The following ZNF230 variants were observed in gnomAD, a reference collection of about 807,000 sequenced individuals.
The protein encoded by ZNF230 is zinc finger protein 230.
Under a neutral mutation model 10.0 loss-of-function variants are expected in ZNF230, and 12 were observed. The ratio of observed to expected loss-of-function variants is 1.20; its 90% confidence interval spans 0.77 to 1.95. ZNF230 has a LOEUF of 1.95. Ranked by LOEUF, ZNF230 falls within the 30% of genes most tolerant of loss-of-function variation. The pLI is 0.00. For missense variants in ZNF230, 532 were observed against 565.8 expected, an observed-to-expected ratio of 0.94 and a Z score of 0.61; for synonymous variants, 174 against 193.6, an observed-to-expected ratio of 0.90 and a Z score of 0.84.
chr19:44,005,141 A>G (rs904574700), intron 1 of ZNF230, among the ~76,000 whole-genome samples: 2 of 152,130 alleles, frequency 1.3e-5, no homozygotes, highest in Non-Finnish European at 2.9e-5. Context: ...AAAATTAAAA[A>G]CTAAAAACAA....
At chr19:44,007,631 A>T (rs1976135430) in intron 2 of ZNF230, among the ~76,000 whole-genome samples, 1 of 152,138 alleles carries the variant, frequency 6.6e-6, no homozygotes, top group East Asian at 1.9e-4. Context: ...CTATTATTTA[A>T]GGTGTCGCAA....
chr19:44,005,121 C>CAAA (rs35234320), intron 1 of ZNF230, among the ~76,000 whole-genome samples: 2 of 145,814 alleles, frequency 1.4e-5, no homozygotes, highest in Admixed American at 6.8e-5. Flanking sequence ...GACTCTGTCT[C>CAAA]AAAAAAAAAA....
At chr19:44,004,512 A>G (rs1976102155) in intron 1 of ZNF230, 1 of 152,122 alleles carries the variant, frequency 6.6e-6, no homozygotes, top group South Asian at 2.1e-4. Context: ...CAGGTGGATC[A>G]CTTGAGGTCA....
At chr19:44,004,748 A>G (rs1490954660) in intron 1 of ZNF230, 7 of 149,704 alleles carry the variant, frequency 4.7e-5, no homozygotes, top group African/African-American at 1.8e-4. Flanking sequence ...AAAAAAAAGA[A>G]TAAACTAGTG....
rs2147427791 is a variant in ZNF230, at chr19:44,011,619, A to G, written c.*155A>G. The G allele has an allele frequency of 2.4e-6, 2 of 828,316 alleles. No individual in the cohort carries two copies. Among genetic ancestry groups the G allele is most frequent in the African/African-American group, 1.7e-5 (1 of 57,920 alleles). The allele number at this position is 828,316 out of a possible 1,614,324, so 51.3% of individuals were successfully genotyped here. On this transcript the variant is annotated 3_prime_UTR_variant, in exon 5 of 5. Transcript: ENST00000429154. ...CATTGTTCTAGCGATTTGAAAAGAAACAATAAATTATTGTTGATTATAGTC... is the reference window on the plus strand; with the variant it reads ...CATTGTTCTAGCGATTTGAAAAGAAGCAATAAATTATTGTTGATTATAGTC...
In ZNF230 at chr19:44,011,694, C is replaced by T. The variant is rs1976186326; in HGVS notation, c.*230C>T. ...AATGTATTTCTCCTATCTAGCAGTA[C>T]TTATGTATCTTGTTACCCAATCTTT... On this transcript the variant is annotated 3_prime_UTR_variant, in exon 5 of 5. Coordinates refer to ENST00000429154, the MANE Select transcript of ZNF230 (RefSeq NM_006300.4). 2.3e-5 allele frequency: 10 copies of T among 436,846 alleles called. No homozygotes were observed. In the South Asian group the frequency reaches 2.4e-4, roughly 11 times the overall value. The allele number at this position is 436,846 out of a possible 1,614,324, so 27.1% of individuals were successfully genotyped here. A position where few individuals can be genotyped will look rare whatever the true frequency, so the allele number is the denominator to read the frequency against.
At chr19:44,009,283 G>A (rs1298713208) in intron 4 of ZNF230, 113 bp downstream of exon 4, 18 of 1,198,602 alleles carry the variant, frequency 1.5e-5, no homozygotes, top group Non-Finnish European at 2.1e-5. Context: ...CTCTTTCCTG[G>A]TTTATTACAA....
At chr19:44,008,601 A>G (rs537922336) in intron 2 of ZNF230, among the ~76,000 whole-genome samples, 189 bp from the exon 3 acceptor site, 6 of 152,276 alleles carry the variant, frequency 3.9e-5, no homozygotes, top group Non-Finnish European at 7.4e-5. Context: ...GCACAAAGTA[A>G]AAATACAGGA....
intron 1 of ZNF230, chr19:44,004,229 G>C (rs1037115684): frequency 3.7e-4 from 56 of 152,212 alleles, no homozygotes; most frequent in African/African-American, 1.3e-3. Flanking sequence ...TCTGAAATAG[G>C]AGAAATGAGA....
chr19:44,003,444 A>C (rs1455438207), intron 1 of ZNF230: 6 of 152,292 alleles, frequency 3.9e-5, no homozygotes, highest in African/African-American at 1.4e-4. Flanking sequence ...TCACTTGGTG[A>C]CTGGTGGTCT....
intron 1 of ZNF230, among the ~76,000 whole-genome samples, chr19:44,005,923 C>G (rs539903001): frequency 6.6e-6 from 1 of 152,114 alleles, no homozygotes; most frequent in Non-Finnish European, 1.5e-5. Flanking sequence ...ATGACTGTGT[C>G]CCCTACCCCA....
Position 44,006,493 on chromosome 19 carries a change from A to G in ZNF230, c.-68-518A>G, listed in dbSNP as rs182799286. On this transcript the variant is annotated intron_variant, in intron 1 of 4. Transcript: ENST00000429154. ...TCAACTCTATTGAGGTATATTTTAC[A>G]TAAAGCATTCACTCATTTCAGGAGT... is the stretch of plus-strand genomic sequence containing the variant. Among the ~76,000 whole-genome samples the G allele has an allele frequency of 2.9e-3, 447 of 152,344 alleles. 2 individuals carry two copies. Among genetic ancestry groups the G allele is most frequent in the African/African-American group, 0.01 (416 of 41,578 alleles).
At position 44,010,599 on chromosome 19, in the gene ZNF230, A is replaced by G; in HGVS notation, c.560A>G (p.Gln187Arg). Residue 187 changes from glutamine to arginine, a missense_variant, in exon 5 of 5, where the codon CAG becomes CGG. Physicochemically the swap from Gln to Arg is conservative, Grantham distance 43 (BLOSUM62 1). Transcript: ENST00000429154. ...TACATCTCAGCTCTTCGTATTCACC[A>G]GAGAGTTCACTTGAGAGAGAAACTC... is the stretch of plus-strand genomic sequence containing the variant. ...FCYISALRIH[Q>R]RVHLREKLSK... The G allele has an allele frequency of 6.2e-7, 1 of 1,614,252 alleles. No individual in the cohort carries two copies.
At position 44,011,021 on chromosome 19, in the gene ZNF230, A is replaced by G. The variant is rs1459579181; in HGVS notation, c.982A>G (p.Ile328Val). The G allele has an allele frequency of 6.2e-7, 1 of 1,614,242 alleles. No homozygotes were observed. The highest frequency in any genetic ancestry group is 1.7e-5 in the Admixed American group (1 of 60,034). ...TAGCCTAGATTTGCATAAGCATCAG[A>G]TAATTCACACAGGACAGAAACCGTA... ...TDSLDLHKHQIIHTGQKPYNC... is the reference protein window; with the variant it reads ...TDSLDLHKHQVIHTGQKPYNC... The change falls in exon 5 of 5, where the codon ATA (isoleucine) becomes GTA (valine). Residue 328 changes from isoleucine to valine, a missense_variant. Coordinates refer to ENST00000429154, the MANE Select transcript of ZNF230 (RefSeq NM_006300.4).
rs1364005266 is a variant in ZNF230, at chr19:44,010,427, C to G, written c.388C>G (p.Leu130Val). 1.2e-6 allele frequency: 2 copies of G among 1,614,214 alleles called. No homozygotes were observed. The highest frequency in any genetic ancestry group is 1.7e-6 in the Non-Finnish European group (2 of 1,180,038). Residue 130 changes from leucine to valine, a missense_variant, in exon 5 of 5, where the codon CTA becomes GTA. Transcript: ENST00000429154. ...GDVPSQVEAGLSIIHTGQKPS... is the reference protein window; with the variant it reads ...GDVPSQVEAGVSIIHTGQKPS... Reference sequence around the variant, plus strand: ...TGTCCCCTCCCAGGTTGAGGCAGGACTATCTATAATTCATACAGGACAGAA... The same window carrying G: ...TGTCCCCTCCCAGGTTGAGGCAGGAGTATCTATAATTCATACAGGACAGAA...
chr19:44,006,462 T>A (rs1222059348), intron 1 of ZNF230, among the ~76,000 whole-genome samples: 1 of 152,198 alleles, frequency 6.6e-6, no homozygotes, highest in East Asian at 1.9e-4. Flanking sequence ...GATTAGCAAT[T>A]TTTTTTCAAC....
In ZNF230 at chr19:44,010,532, G is replaced by C. The variant is rs748328429; in HGVS notation, c.493G>C (p.Glu165Gln). 2 of 1,614,228 alleles carry C rather than the reference G, an allele frequency of 1.2e-6. No homozygotes were observed. Among genetic ancestry groups the C allele is most frequent in the East Asian group, 4.5e-5 (2 of 44,890 alleles). The change falls in exon 5 of 5, where the codon GAG becomes CAG. Residue 165 changes from glutamate to glutamine, a missense_variant. Glu to Gln is a conservative substitution (Grantham distance 29). Coordinates refer to ENST00000429154, the MANE Select transcript of ZNF230 (RefSeq NM_006300.4). ...TCCTCCTCAGCAGTTCCACTCAGGA[G>C]AGAAGTCTCATACATGCAATGAGTG... ...FDPPQQFHSG[E>Q]KSHTCNECGK...
chr19:44,009,215 C>A (rs1568497547), intron 4 of ZNF230, 45 bp downstream of exon 4: 16 of 1,598,538 alleles, frequency 1.0e-5, no homozygotes, highest in Non-Finnish European at 1.4e-5. Context: ...ACTTTCTTTC[C>A]CATTTGTTTT....
At chr19:44,009,707 C>T (rs766327844) in intron 4 of ZNF230, among the ~76,000 whole-genome samples, 1 of 152,180 alleles carries the variant, frequency 6.6e-6, no homozygotes, top group Non-Finnish European at 1.5e-5. Flanking sequence ...CAGCCACAAC[C>T]CTAAATCATA....
Sources: allele counts gnomAD v4.1 joint callset (sites outside exome capture counted in the v4.1 genomes callset), GRCh38; gene constraint gnomAD v4.1.1; transcripts MANE v1.5; gene names NCBI Gene and HGNC (gene_info 2026-07-23, HGNC 2026-07-21).